DIS3L: variants seen among roughly 807,000 people sequenced by gnomAD.
DIS3L encodes DIS3 like exosome 3'-5' exoribonuclease.
DIS3L carries 100 observed loss-of-function variants against 120.3 expected under a neutral mutation model. The ratio of observed to expected loss-of-function variants is 0.83; its 90% CI spans 0.71 to 0.98. The LOEUF is 0.98. DIS3L is among the 50% of genes least tolerant of loss of function. The pLI, the probability that DIS3L is intolerant of heterozygous loss-of-function variation, is 0.00. For missense variants in DIS3L, 1,196 were observed against 1,314.2 expected, an observed-to-expected ratio of 0.91 and a Z score of 1.39; for synonymous variants, 426 against 470.6, an observed-to-expected ratio of 0.91 and a Z score of 1.23.
At chr15:66,294,628 A>T (rs1261854415) in intron 1 of DIS3L, among the ~76,000 whole-genome samples, 1 of 152,180 alleles carries the variant, frequency 6.6e-6, no homozygotes, top group African/African-American at 2.4e-5. Context: ...TGGGCATCAT[A>T]CACAAGTGGT....
In DIS3L at chr15:66,309,094, A is replaced by AATATATATATATATATATATATATAT. The variant is rs1555401906; in HGVS notation, c.558+260_558+261insATATATATATATATATATATATATAT. Among the ~76,000 whole-genome samples, 6 of 15,318 alleles carry AATATATATATATATATATATATATAT rather than the reference A, an allele frequency of 3.9e-4. 1 individual carries two copies. Among genetic ancestry groups the AATATATATATATATATATATATATAT allele is most frequent in the African/African-American group, 9.8e-4 (5 of 5,120 alleles). The allele number at this position is 15,318 out of a possible 152,430, so 10.0% of individuals were successfully genotyped here. On this transcript the variant is annotated intron_variant, in intron 4 of 16. Transcript: ENST00000319212. ...CTTGTCTCTACAGAAAAAAAAAAAA[A>AATATATATATATATATATATATATAT]ATATATATATCTCCAAGCATGGTGG... is the stretch of plus-strand genomic sequence containing the variant.
intron 9 of DIS3L, among the ~76,000 whole-genome samples, chr15:66,322,125 A>G (rs1241094412): frequency 6.6e-6 from 1 of 152,222 alleles, no homozygotes; most frequent in Non-Finnish European, 1.5e-5. Flanking sequence ...TTACAATAAA[A>G]TAAAGTGTGG....
At chr15:66,323,292 T>G (rs2092904613) in intron 10 of DIS3L, among the ~76,000 whole-genome samples, 1 of 152,236 alleles carries the variant, frequency 6.6e-6, no homozygotes, top group African/African-American at 2.4e-5. Context: ...TGGAAGAATA[T>G]TCAGCCCAAA....
rs1387519127 is a variant in DIS3L, at chr15:66,322,841, T to A, written c.1481T>A (p.Leu494Ter). 6.2e-7 allele frequency: 1 copy of A among 1,614,220 alleles called. No homozygotes were observed. Among genetic ancestry groups the A allele is most frequent in the South Asian group, 1.1e-5 (1 of 91,074 alleles). Reference sequence around the variant, plus strand: ...GATGACACACTCTCAGTCAGAACCTTAAATAATGGCAACCTGGAACTTGGG... The same window carrying A: ...GATGACACACTCTCAGTCAGAACCTAAAATAATGGCAACCTGGAACTTGGG... The part of the protein sequence containing the change: ...DVDDTLSVRT[L>*]NNGNLELGVH... Residue 494 changes from leucine to a stop codon, truncating the protein, a stop_gained, in exon 10 of 17, where the codon TTA becomes TAA. Coordinates refer to ENST00000319212, the MANE Select transcript of DIS3L (RefSeq NM_001143688.3). LOFTEE classifies it high-confidence loss of function.
intron 2 of DIS3L, among the ~76,000 whole-genome samples, chr15:66,305,376 A>G (rs940218785): frequency 1.3e-5 from 2 of 152,158 alleles, no homozygotes; most frequent in African/African-American, 2.4e-5. Flanking sequence ...GCATTTAACA[A>G]GATTCGTTGG....
At chr15:66,330,058 T>C in intron 14 of DIS3L, 1 of 982,924 alleles carries the variant, frequency 1.0e-6, no homozygotes. Flanking sequence ...TTCCCAGTAC[T>C]TTGGGAGGCT....
intron 2 of DIS3L, among the ~76,000 whole-genome samples, chr15:66,305,217 G>A (rs1379324558): frequency 6.6e-6 from 1 of 151,720 alleles, no homozygotes; most frequent in Non-Finnish European, 1.5e-5. Context: ...AGCCAGGATG[G>A]TCTCGATCTC....
intron 2 of DIS3L, among the ~76,000 whole-genome samples, chr15:66,298,179 CAAAAAAAAAAA>C (rs11419116): frequency 2.0e-4 from 9 of 46,002 alleles, no homozygotes; most frequent in Admixed American, 6.9e-4. Context: ...GACTCCGTCT[CAAAAAAAAAAA>C]AAAAAAAAAA....
Position 66,315,200 on chromosome 15 carries a change from G to C in DIS3L, c.979G>C (p.Glu327Gln), listed in dbSNP as rs1420208695. 4 of 1,612,646 alleles carry C rather than the reference G, an allele frequency of 2.5e-6. No homozygotes were observed. Among genetic ancestry groups the C allele is most frequent in the Non-Finnish European group, 3.4e-6 (4 of 1,179,082 alleles). ...CAAGGCTTCGGGCGAGTCCCCAAGTGAGCCCATGCCTACAGGTGAGCCAGC... is the reference window on the plus strand; with the variant it reads ...CAAGGCTTCGGGCGAGTCCCCAAGTCAGCCCATGCCTACAGGTGAGCCAGC... ...DDKASGESPS[E>Q]PMPTGRVVGI... is the part of the protein sequence containing the mutation. Residue 327 changes from glutamate (E) to glutamine (Q), a missense_variant, in exon 7 of 17, where the codon GAG becomes CAG. By Grantham distance (29) the Glu-to-Gln change is conservative (BLOSUM62 2). Transcript: ENST00000319212.
intron 5 of DIS3L, among the ~76,000 whole-genome samples, chr15:66,313,257 A>C (rs955691042): frequency 1.3e-5 from 2 of 151,818 alleles, no homozygotes; most frequent in African/African-American, 4.8e-5. Flanking sequence ...GCCTCCCAAA[A>C]TGCTGGGATT....
Position 66,323,633 on chromosome 15 carries a change from G to A in DIS3L, c.1667+48G>A, listed in dbSNP as rs1429949392. 2.5e-6 allele frequency: 4 copies of A among 1,575,894 alleles called. No homozygotes were observed. In the African/African-American group the frequency reaches 5.4e-5, roughly 21 times the overall value. On this transcript the variant is annotated intron_variant, in intron 11 of 16. Transcript: ENST00000319212. ...CAAAGCTTGTCCTGGCCCTTCTGTG[G>A]CTCCTGATGCTGCCTGCTTCTGGCC...
chr15:66,332,205 C>T (rs991465128), intron 15 of DIS3L, among the ~76,000 whole-genome samples, 185 bp downstream of exon 15: 1 of 151,968 alleles, frequency 6.6e-6, no homozygotes, highest in African/African-American at 2.4e-5. Flanking sequence ...GCCTATAATC[C>T]CAGCACTTTG....
chr15:66,330,031 G>A (rs1440759965), intron 14 of DIS3L: 11 of 985,228 alleles, frequency 1.1e-5, no homozygotes, highest in African/African-American at 1.7e-5. Context: ...GGCCAGATGC[G>A]GTGGCTTGCA....
intron 4 of DIS3L, among the ~76,000 whole-genome samples, chr15:66,309,932 C>G (rs1236935633): frequency 6.6e-6 from 1 of 152,174 alleles, no homozygotes; most frequent in Non-Finnish European, 1.5e-5. Context: ...GTGGCATTAT[C>G]AGTGACTGTT....
intron 11 of DIS3L, among the ~76,000 whole-genome samples, chr15:66,323,962 T>C (rs567911646): frequency 6.6e-6 from 1 of 152,212 alleles, no homozygotes; most frequent in African/African-American, 2.4e-5. Flanking sequence ...TGTTTGTTCA[T>C]TTGTTGAGTT....
At chr15:66,325,740 G>T in intron 11 of DIS3L, 91 bp from the exon 12 acceptor site, 1 of 1,434,560 alleles carries the variant, frequency 7.0e-7, no homozygotes, top group South Asian at 1.4e-5. Flanking sequence ...CAGCCTGGGT[G>T]ACAGAGCAAG....
At chr15:66,328,179 C>T (rs2092958754) in intron 12 of DIS3L, among the ~76,000 whole-genome samples, 1 of 152,090 alleles carries the variant, frequency 6.6e-6, no homozygotes, top group Admixed American at 6.6e-5. Context: ...AAGTAATTTG[C>T]CTGTAATTTA....
At chr15:66,328,814 T>G (rs1254836455) in intron 12 of DIS3L, among the ~76,000 whole-genome samples, 156 bp from the exon 13 acceptor site, 3 of 152,230 alleles carry the variant, frequency 2.0e-5, no homozygotes, top group East Asian at 3.8e-4. Context: ...GCAAACTAGA[T>G]TTCTGTAGTT....
rs746036564 is a variant in DIS3L at position 66,315,132 on chromosome 15, G to A, written c.911G>A (p.Trp304Ter). 8 of 1,613,888 alleles carry A rather than the reference G, an allele frequency of 5.0e-6. No individual in the cohort carries two copies. The highest frequency in any genetic ancestry group is 6.8e-6 in the Non-Finnish European group (8 of 1,179,996). Residue 304 changes from tryptophan to a stop codon, truncating the protein, a stop_gained, in exon 7 of 17, where the codon TGG (tryptophan) becomes TAG (stop). Transcript: ENST00000319212. LOFTEE classifies it high-confidence loss of function. ...VVVELLPKNE[W>*]KGRTVALCEN... ...GTGGAGCTGCTTCCTAAAAATGAATGGAAAGGAAGAACCGTAGCCCTGTGT... is the reference window on the plus strand; with the variant it reads ...GTGGAGCTGCTTCCTAAAAATGAATAGAAAGGAAGAACCGTAGCCCTGTGT...
Sources: allele counts gnomAD v4.1 joint callset (sites outside exome capture counted in the v4.1 genomes callset), GRCh38; gene constraint gnomAD v4.1.1; transcripts MANE v1.5; gene names NCBI Gene and HGNC (gene_info 2026-07-23, HGNC 2026-07-21).